NRXN3: variants seen among roughly 807,000 people sequenced by gnomAD.
NRXN3 encodes neurexin III.
Under a neutral mutation model 137.6 loss-of-function variants are expected in NRXN3, and 32 were observed. The observed-to-expected ratio is 0.23, with a 90% CI of 0.18 to 0.31. NRXN3 has a LOEUF of 0.31. Ranked by LOEUF, NRXN3 falls within the 10% of genes least tolerant of loss-of-function variation. The pLI is 1.00. For missense variants in NRXN3, 1,574 were observed against 2,062.5 expected (o/e 0.76, Z 4.59); for synonymous variants, 798 against 784.5 (o/e 1.02, Z -0.29).
chr14:78,599,895 G>A (rs2097189048), intron 4 of NRXN3, among the ~76,000 whole-genome samples: 1 of 152,170 alleles, frequency 6.6e-6, no homozygotes, highest in Admixed American at 6.5e-5. Flanking sequence ...AGTACCACCA[G>A]CTATCATTAT....
At chr14:79,136,567 G>A (rs77887618) in intron 15 of NRXN3, among the ~76,000 whole-genome samples, 8,149 of 152,224 alleles carry the variant, frequency 0.054, 301 homozygotes, top group Non-Finnish European at 0.083. Flanking sequence ...AGGATTTGGA[G>A]AACAGGACCC....
At chr14:79,697,508 A>AT (rs2098739882) in intron 18 of NRXN3, 122 bp from the exon 19 acceptor site, 2 of 988,262 alleles carry the variant, frequency 2.0e-6, no homozygotes, top group Non-Finnish European at 1.5e-6. Context: ...TTTGTTGTCT[A>AT]TTTTTTCCTC....
chr14:79,613,099 G>A (rs1158779643), intron 16 of NRXN3, among the ~76,000 whole-genome samples: 7 of 152,280 alleles, frequency 4.6e-5, no homozygotes. Context: ...CCTTCTTGCT[G>A]CCTGTACTAT....
intron 19 of NRXN3, among the ~76,000 whole-genome samples, chr14:79,785,765 C>T (rs2099127571): frequency 6.6e-6 from 1 of 152,082 alleles, no homozygotes; most frequent in Non-Finnish European, 1.5e-5. Flanking sequence ...GAGTCATCAA[C>T]CTTGGCATAG....
intron 3 of NRXN3, among the ~76,000 whole-genome samples, chr14:78,288,734 C>T (rs921450711): frequency 1.3e-5 from 2 of 152,200 alleles, no homozygotes; most frequent in Non-Finnish European, 2.9e-5. Context: ...GGCATAACTA[C>T]CTTTGTCTCT....
In NRXN3 at chr14:79,563,567, C is replaced by T. The variant is rs776451348; in HGVS notation, c.3444+96165C>T. Among the ~76,000 whole-genome samples the T allele has an allele frequency of 5.3e-5, 8 of 150,616 alleles. No individual in the cohort carries two copies. In the East Asian group the frequency reaches 5.9e-4, roughly 11 times the overall value. On this transcript the variant is annotated intron_variant, in intron 16 of 20. Coordinates refer to ENST00000335750, the MANE Select transcript of NRXN3 (RefSeq NM_001330195.2). ...TTAACTTTAATATTTGACTAGTTAA[C>T]GGTAGGATTTTTTCCGTTACAGTGC... is the stretch of plus-strand genomic sequence containing the variant.
rs779442429 is a variant in NRXN3 at position 78,633,251 on chromosome 14, C to CAAAAAAAAAAAAAAAA, written c.758-11867_758-11852dup. 1.7e-3 allele frequency among the ~76,000 whole-genome samples: 116 copies of CAAAAAAAAAAAAAAAA among 68,034 alleles called. 13 individuals carry two copies. The highest frequency in any genetic ancestry group is 6.6e-3 in the African/African-American group (93 of 14,036). The allele number at this position is 68,034 out of a possible 152,430, so 44.6% of individuals were successfully genotyped here. A position where few individuals can be genotyped will look rare whatever the true frequency, so the allele number is the denominator to read the frequency against. ...CCTGGGCTACAGAGCGAGACTCTGTCAAAAAAAAAAAAAAAAAGAGACTGG... is the reference window on the plus strand; with the variant it reads ...CCTGGGCTACAGAGCGAGACTCTGTCAAAAAAAAAAAAAAAAAAAAAAAAAAAAAAAAAGAGACTGG... On this transcript the variant is annotated intron_variant, in intron 4 of 20. Coordinates refer to ENST00000335750, the MANE Select transcript of NRXN3 (RefSeq NM_001330195.2).
intron 17 of NRXN3, among the ~76,000 whole-genome samples, chr14:79,667,994 G>C (rs1402916443): frequency 6.6e-6 from 1 of 151,990 alleles, no homozygotes; most frequent in Non-Finnish European, 1.5e-5. Flanking sequence ...GGCTTCCTGG[G>C]ACATGCAGAC....
At chr14:79,662,220 A>G (rs1282605432) in intron 16 of NRXN3, among the ~76,000 whole-genome samples, 1 of 152,114 alleles carries the variant, frequency 6.6e-6, no homozygotes, top group Admixed American at 6.6e-5. Context: ...TACAACTACT[A>G]AATTTTATTA....
At chr14:79,429,685 G>T (rs1277191752) in intron 15 of NRXN3, among the ~76,000 whole-genome samples, 4 of 152,200 alleles carry the variant, frequency 2.6e-5, no homozygotes, top group Non-Finnish European at 5.9e-5. Flanking sequence ...GCAGATGCAT[G>T]TACTTCTTCG....
At chr14:78,642,175 A>G (rs996878335) in intron 4 of NRXN3, among the ~76,000 whole-genome samples, 2 of 152,228 alleles carry the variant, frequency 1.3e-5, no homozygotes, top group Non-Finnish European at 2.9e-5. Context: ...CAAAGGGAAG[A>G]TAATGAATAT....
At chr14:79,075,609 T>C (rs1303743456) in intron 15 of NRXN3, among the ~76,000 whole-genome samples, 1 of 152,184 alleles carries the variant, frequency 6.6e-6, no homozygotes, top group Non-Finnish European at 1.5e-5. Flanking sequence ...AGATATTTAA[T>C]TAAGTCTTCC....
intron 15 of NRXN3, among the ~76,000 whole-genome samples, chr14:79,296,660 C>T (rs1315429157): frequency 1.3e-5 from 2 of 151,760 alleles, no homozygotes; most frequent in Admixed American, 6.6e-5. Context: ...TTTCAATTGC[C>T]CTGTAATTCT....
At position 79,209,085 on chromosome 14, in the gene NRXN3, C is replaced by A. The variant is rs140393816; in HGVS notation, c.3262+220944C>A. On this transcript the variant is annotated intron_variant, in intron 15 of 20. Transcript: ENST00000335750. ...TCCCGAGTAGCTGGGACTATAGGCA[C>A]GTGCCACCACACCTGGCTAATTTTT... is the stretch of plus-strand genomic sequence containing the variant. Among the ~76,000 whole-genome samples, 299 of 152,094 alleles carry A rather than the reference C, an allele frequency of 2.0e-3. 5 individuals are homozygous for A. The highest frequency in any genetic ancestry group is 7.0e-3 in the African/African-American group (290 of 41,524).
At chr14:79,346,989 A>C (rs929087756) in intron 15 of NRXN3, among the ~76,000 whole-genome samples, 2 of 152,138 alleles carry the variant, frequency 1.3e-5, no homozygotes, top group African/African-American at 4.8e-5. Flanking sequence ...TTTTAGATAA[A>C]TGTAAAAACA....
chr14:78,873,631 A>G (rs17108324), intron 10 of NRXN3, among the ~76,000 whole-genome samples: 9,052 of 152,226 alleles, frequency 0.059, 421 homozygotes, highest in South Asian at 0.19. Context: ...CCCCACAGGA[A>G]ATTTGAGGTT....
intron 15 of NRXN3, among the ~76,000 whole-genome samples, chr14:79,049,039 A>T (rs1595370877): frequency 8.4e-4 from 3 of 3,562 alleles, no homozygotes; most frequent in East Asian, 8.5e-3. Flanking sequence ...AAAAAAAAAA[A>T]AAAAAAAAAA....
chr14:79,795,718 AC>A (rs1244820092), intron 19 of NRXN3, among the ~76,000 whole-genome samples: 4 of 152,146 alleles, frequency 2.6e-5, no homozygotes, highest in Admixed American at 6.5e-5. Flanking sequence ...AGTGGGATAT[AC>A]TTTTTTTTTC....
intron 4 of NRXN3, among the ~76,000 whole-genome samples, chr14:78,527,845 CT>C (rs2096403044): frequency 6.6e-6 from 1 of 152,142 alleles, no homozygotes. Context: ...GAAGAAATGC[CT>C]TCCTTATTTT....
Sources: allele counts gnomAD v4.1 joint callset (sites outside exome capture counted in the v4.1 genomes callset), GRCh38; gene constraint gnomAD v4.1.1; transcripts MANE v1.5; gene names NCBI Gene and HGNC (gene_info 2026-07-23, HGNC 2026-07-21).